The following SPECC1L variants were observed in gnomAD, a reference collection of about 807,000 sequenced individuals.
The protein encoded by SPECC1L is sperm antigen with calponin homology and coiled-coil domains 1 like, also known as cytospin-A.
A neutral mutation model predicts 116.8 loss-of-function variants in SPECC1L; 40 were observed. The observed-to-expected ratio is 0.34, with a 90% confidence interval of 0.27 to 0.45. The LOEUF (loss-of-function observed/expected upper bound fraction) is 0.45. Among genes scored for constraint, SPECC1L ranks in the 20% least tolerant of loss-of-function variants. The probability of loss-of-function intolerance (pLI) is 1.00; values close to 1 mark genes in which losing one functional copy is unlikely to be tolerated. For missense variants in SPECC1L, 1,110 were observed against 1,373.6 expected (o/e 0.81, Z 3.03); for synonymous variants, 504 against 500.6 (o/e 1.01, Z -0.09).
chr22:24,286,118 G>A (rs2049040040), intron 2 of SPECC1L, among the ~76,000 whole-genome samples: 1 of 152,148 alleles, frequency 6.6e-6, no homozygotes, highest in African/African-American at 2.4e-5. Flanking sequence ...GGTGATGTTT[G>A]TAACCTAGAA....
chr22:24,298,427 C>T (rs935175830), intron 2 of SPECC1L, among the ~76,000 whole-genome samples: 3 of 152,112 alleles, frequency 2.0e-5, no homozygotes, highest in Admixed American at 6.6e-5. Context: ...AACATATCCC[C>T]CTCGGATAAA....
intron 2 of SPECC1L, among the ~76,000 whole-genome samples, chr22:24,301,990 G>A (rs909599641): frequency 6.6e-6 from 1 of 151,728 alleles, no homozygotes; most frequent in African/African-American, 2.4e-5. Flanking sequence ...AGCTTGCAGT[G>A]AGCCGAGATA....
intron 2 of SPECC1L, among the ~76,000 whole-genome samples, chr22:24,296,033 G>C (rs185177073): frequency 6.6e-6 from 1 of 152,222 alleles, no homozygotes; most frequent in Non-Finnish European, 1.5e-5. Context: ...TGTAGTTTTA[G>C]TGTTGTCACG....
intron 2 of SPECC1L, among the ~76,000 whole-genome samples, chr22:24,294,964 A>G (rs940173043): frequency 7.2e-5 from 11 of 152,144 alleles, no homozygotes; most frequent in Non-Finnish European, 1.5e-4. Context: ...TGATTTTTAA[A>G]TAGTATTATG....
Position 24,400,112 on chromosome 22 carries a change from T to C in SPECC1L, c.3088-11476T>C, listed in dbSNP as rs533356565. ...TATGTAACAAAAATTTACCATTTGATCATTTTTAAACATACAATTCGGTAG... is the reference window on the plus strand; with the variant it reads ...TATGTAACAAAAATTTACCATTTGACCATTTTTAAACATACAATTCGGTAG... On this transcript the variant is annotated intron_variant, in intron 14 of 16. Transcript: ENST00000314328. Among the ~76,000 whole-genome samples the C allele has an allele frequency of 4.6e-5, 7 of 152,372 alleles. No homozygotes were observed. In the South Asian group the frequency reaches 1.5e-3, roughly 32 times the overall value.
At chr22:24,366,765 AATCTAAGTTTATATTT>A (rs2041775269) in intron 13 of SPECC1L, among the ~76,000 whole-genome samples, 1 of 152,160 alleles carries the variant, frequency 6.6e-6, no homozygotes, top group South Asian at 2.1e-4. Flanking sequence ...AGTACATGAA[AATCTAAGTTTATATTT>A]TATTCATAGT....
At chr22:24,336,706 T>G (rs1201232318) in intron 9 of SPECC1L, among the ~76,000 whole-genome samples, 3 of 152,204 alleles carry the variant, frequency 2.0e-5, no homozygotes, top group African/African-American at 7.2e-5. Context: ...TGCTTCATAC[T>G]AATGTTTTTT....
At chr22:24,285,876 A>G (rs1214505302) in intron 2 of SPECC1L, among the ~76,000 whole-genome samples, 2 of 152,212 alleles carry the variant, frequency 1.3e-5, no homozygotes, top group East Asian at 3.9e-4. Flanking sequence ...TCCTGACCTC[A>G]TGATCCGCCC....
intron 14 of SPECC1L, among the ~76,000 whole-genome samples, chr22:24,387,060 C>T (rs2042174431): frequency 6.6e-6 from 1 of 152,162 alleles, no homozygotes; most frequent in Non-Finnish European, 1.5e-5. Flanking sequence ...ACCCTGCTGA[C>T]AGGGCTCTAA....
chr22:24,411,505 C>G (rs2042697384), intron 14 of SPECC1L, 83 bp from the exon 15 acceptor site: 2 of 1,259,086 alleles, frequency 1.6e-6, no homozygotes, highest in East Asian at 4.6e-5. Context: ...CATGCAGCAT[C>G]TGAGGCCTCC....
intron 14 of SPECC1L, among the ~76,000 whole-genome samples, chr22:24,391,011 G>C (rs1175413223): frequency 5.3e-5 from 8 of 151,118 alleles, no homozygotes; most frequent in Non-Finnish European, 1.0e-4. Flanking sequence ...GAGTAGCTGG[G>C]ATTACAGGCG....
At chr22:24,397,924 G>C (rs17004913) in intron 14 of SPECC1L, among the ~76,000 whole-genome samples, 18,443 of 152,110 alleles carry the variant, frequency 0.12, 2,561 homozygotes, top group African/African-American at 0.34. Context: ...CAAGATTAAG[G>C]TCACCCCTTT....
intron 2 of SPECC1L, among the ~76,000 whole-genome samples, chr22:24,295,047 A>G (rs1010024392): frequency 2.0e-5 from 3 of 151,758 alleles, no homozygotes; most frequent in Non-Finnish European, 4.4e-5. Flanking sequence ...ATCTCCTTGT[A>G]GAAGTAAAGG....
In SPECC1L at chr22:24,327,157, A is replaced by G. The variant is rs1038450358; in HGVS notation, c.2147-1689A>G. On this transcript the variant is annotated intron_variant, in intron 6 of 16. Transcript: ENST00000314328. The stretch of plus-strand genomic sequence containing the variant: ...GCTGGACGTGGTGGCAGGCGCCTAT[A>G]ATCCCATCTCCACAGGAGGCTGAGG... Among the ~76,000 whole-genome samples, 14 of 151,948 alleles carry G rather than the reference A, an allele frequency of 9.2e-5. No individual in the cohort carries two copies. In the East Asian group the frequency reaches 1.7e-3, roughly 19 times the overall value.
At chr22:24,381,383 C>A (rs1213845507) in intron 14 of SPECC1L, among the ~76,000 whole-genome samples, 3 of 151,962 alleles carry the variant, frequency 2.0e-5, no homozygotes, top group African/African-American at 7.3e-5. Flanking sequence ...TTAGTGCTGC[C>A]TGAGGTAATT....
rs770005646 is a variant in SPECC1L at position 24,417,675 on chromosome 22, A to G, written c.*3052A>G. 4 of 152,182 alleles carry G rather than the reference A, an allele frequency of 2.6e-5. No homozygotes were observed. Among genetic ancestry groups the G allele is most frequent in the Non-Finnish European group, 4.4e-5 (3 of 68,038 alleles). 9.4% of individuals were successfully genotyped at this position (152,182 alleles called of 1,614,324 possible). ...CTTGGAAATAATTGTCAGGATGTATAAAATAGAGAAAAAGAAAAAAGGTAT... is the reference window on the plus strand; with the variant it reads ...CTTGGAAATAATTGTCAGGATGTATGAAATAGAGAAAAAGAAAAAAGGTAT... On this transcript the variant is annotated 3_prime_UTR_variant, in exon 17 of 17. Transcript: ENST00000314328.
chr22:24,412,771 T>G, intron 16 of SPECC1L, 64 bp downstream of exon 16: 3 of 1,562,354 alleles, frequency 1.9e-6, no homozygotes, highest in Non-Finnish European at 2.6e-6. Flanking sequence ...AGTTCAGTCC[T>G]GTTTAAGCTG....
chr22:24,378,915 A>G (rs777681809), intron 14 of SPECC1L, among the ~76,000 whole-genome samples: 10 of 152,188 alleles, frequency 6.6e-5, no homozygotes, highest in Admixed American at 2.0e-4. Context: ...AAGTGAGCAC[A>G]TACTGTTGGC....
At chr22:24,377,159 C>T (rs192307817) in intron 14 of SPECC1L, among the ~76,000 whole-genome samples, 15 of 152,138 alleles carry the variant, frequency 9.9e-5, no homozygotes, top group African/African-American at 3.4e-4. Context: ...AAGGTTCATC[C>T]ATGCTGTAGC....
Sources: gnomAD v4.1 joint callset for allele counts (sites outside exome capture counted in the v4.1 genomes callset) on GRCh38, gnomAD v4.1.1 for gene constraint, MANE v1.5 for transcripts, NCBI Gene and HGNC (gene_info 2026-07-23, HGNC 2026-07-21) for gene names.